GPSM2: variants seen among roughly 807,000 people sequenced by gnomAD.
GPSM2 encodes G protein-signaling modulator 2.
Under a neutral mutation model 78.4 loss-of-function variants are expected in GPSM2, and 58 were observed. The observed-to-expected ratio is 0.74, with a 90% CI of 0.60 to 0.92. GPSM2 has a LOEUF of 0.92. GPSM2 is among the 40% of genes least tolerant of loss of function. GPSM2 has a pLI of 0.00. For synonymous variants in GPSM2, 224 were observed against 280.2 expected (o/e 0.80, Z 2.00); for missense variants, 700 against 815.5 (o/e 0.86, Z 1.73).
intron 1 of GPSM2, among the ~76,000 whole-genome samples, chr1:108,883,905 G>A (rs1178626657): frequency 6.6e-6 from 1 of 151,974 alleles, no homozygotes; most frequent in African/African-American, 2.4e-5. Context: ...GTTTGTTGTT[G>A]TTGTTGTTGT....
rs1650132707 is a variant in GPSM2 at position 108,915,487 on chromosome 1, C to T, written c.1263+1079C>T. On this transcript the variant is annotated intron_variant, in intron 11 of 14. Coordinates refer to ENST00000264126, the MANE Select transcript of GPSM2 (RefSeq NM_013296.5). ...CTTTGGCCAGGCTGGAGTGCAGTGG[C>T]GCGATCTCAGCTCACTGCACCCTCC... 2.7e-5 allele frequency among the ~76,000 whole-genome samples: 4 copies of T among 149,258 alleles called. No homozygotes were observed. In the South Asian group the frequency reaches 6.4e-4, roughly 24 times the overall value.
At chr1:108,901,536 A>G (rs570030442) in intron 7 of GPSM2, among the ~76,000 whole-genome samples, 1 of 152,334 alleles carries the variant, frequency 6.6e-6, no homozygotes, top group South Asian at 2.1e-4. Context: ...TTATGTTTCA[A>G]TACTCCTTTA....
At chr1:108,886,663 T>C (rs552960798) in intron 2 of GPSM2, among the ~76,000 whole-genome samples, 16 of 152,338 alleles carry the variant, frequency 1.1e-4, no homozygotes, top group African/African-American at 3.8e-4. Flanking sequence ...CTACACCTTA[T>C]ATATAATAGG....
chr1:108,894,039 A>G (rs528782365), intron 2 of GPSM2, among the ~76,000 whole-genome samples: 174 of 152,202 alleles, frequency 1.1e-3, no homozygotes, highest in African/African-American at 3.7e-3. Context: ...GTGAGACTCC[A>G]TCTCAAGAAA....
At chr1:108,924,456 T>TAG in intron 14 of GPSM2, 3 of 548,808 alleles carry the variant, frequency 5.5e-6, no homozygotes, top group African/African-American at 3.8e-5. Flanking sequence ...TGTATATATA[T>TAG]AGAGAGAGAG....
rs1418963515 is a variant in GPSM2, at chr1:108,931,786, TA to T, written c.*1851del. 1 of 208,112 alleles carries T rather than the reference TA, an allele frequency of 4.8e-6. No homozygotes were observed. The highest frequency in any genetic ancestry group is 9.5e-6 in the Non-Finnish European group (1 of 105,040). The allele number at this position is 208,112 out of a possible 1,614,324, so 12.9% of individuals were successfully genotyped here. ...TAAGACAATATACCAAACCACAACG[TA>T]AAAAGTTTGTGTATACAAACTTTTT... On this transcript the variant is annotated 3_prime_UTR_variant, in exon 15 of 15. Coordinates refer to ENST00000264126, the MANE Select transcript of GPSM2 (RefSeq NM_013296.5).
chr1:108,882,377 T>C (rs574662102), intron 1 of GPSM2, among the ~76,000 whole-genome samples: 42 of 152,250 alleles, frequency 2.8e-4, no homozygotes, highest in Non-Finnish European at 5.4e-4. Flanking sequence ...ATATAACCTA[T>C]ACGCATCTTC....
chr1:108,887,330 G>A (rs1157839053), intron 2 of GPSM2, among the ~76,000 whole-genome samples: 4 of 152,132 alleles, frequency 2.6e-5, no homozygotes, highest in African/African-American at 9.7e-5. Flanking sequence ...AAACCACACA[G>A]GCAGGTGGGG....
chr1:108,931,575 G>T lies in GPSM2; in HGVS notation c.*1635G>T. The T allele has an allele frequency of 7.0e-7, 1 of 1,435,108 alleles. No homozygotes were observed. The highest frequency in any genetic ancestry group is 1.5e-5 in the South Asian group (1 of 67,938). The allele number at this position is 1,435,108 out of a possible 1,614,324, so 88.9% of individuals were successfully genotyped here. On this transcript the variant is annotated 3_prime_UTR_variant, in exon 15 of 15. Transcript: ENST00000264126. ...GGCAAATAGAACTATTTCTCTAATG[G>T]CCAATGTTTTTTAAGAGTCATAACC...
intron 2 of GPSM2, among the ~76,000 whole-genome samples, chr1:108,895,101 C>T (rs1056060661): frequency 1.3e-5 from 2 of 152,184 alleles, no homozygotes; most frequent in African/African-American, 4.8e-5. Context: ...TCAACCCTAA[C>T]TTGTACTTTA....
chr1:108,886,806 G>A (rs145045548), intron 2 of GPSM2, among the ~76,000 whole-genome samples: 13 of 152,200 alleles, frequency 8.5e-5, no homozygotes, highest in Middle Eastern at 3.4e-3. Flanking sequence ...TGAAGGTACA[G>A]AATGGGCAGG....
At chr1:108,897,460 G>GT in intron 3 of GPSM2, 32 bp from the exon 4 acceptor site, 1 of 1,565,530 alleles carries the variant, frequency 6.4e-7, no homozygotes, top group Non-Finnish European at 8.7e-7. Flanking sequence ...ATACCATTTG[G>GT]TTTTTTGTTT....
intron 11 of GPSM2, among the ~76,000 whole-genome samples, chr1:108,917,305 C>G (rs575981325): frequency 6.6e-6 from 1 of 151,918 alleles, no homozygotes; most frequent in Admixed American, 6.6e-5. Flanking sequence ...CAGTGGCTCA[C>G]GCCTGTAATC....
chr1:108,903,302 C>G, intron 9 of GPSM2, 68 bp downstream of exon 9: 1 of 829,456 alleles, frequency 1.2e-6, no homozygotes, highest in Non-Finnish European at 2.1e-6. Flanking sequence ...GGGAGGGAAC[C>G]CTATTTCTCT....
Position 108,929,842 on chromosome 1 carries a change from G to A in GPSM2, c.1957G>A (p.Asp653Asn). 1 of 1,614,012 alleles carries A rather than the reference G, an allele frequency of 6.2e-7. No homozygotes were observed. Among genetic ancestry groups the A allele is most frequent in the South Asian group, 1.1e-5 (1 of 91,084 alleles). The change falls in exon 15 of 15, where the codon GAT (aspartate) becomes AAT (asparagine). Residue 653 changes from aspartate (D) to asparagine (N), a missense_variant. Coordinates refer to ENST00000264126, the MANE Select transcript of GPSM2 (RefSeq NM_013296.5). ...MDEQRVLLQR[D>N]QNRDTDFGLK... ...TGAACAGAGAGTTCTTTTACAAAGA[G>A]ATCAAAACAGAGACACTGACTTTGG...
Position 108,934,002 on chromosome 1 carries a change from T to A in GPSM2, c.*4062T>A, listed in dbSNP as rs1361711185. The stretch of plus-strand genomic sequence containing the variant: ...TGGTGGGGGAAAAGAATAAAGTCAT[T>A]TTCAGTCGACTGACTCTGTAAAACA... On this transcript the variant is annotated 3_prime_UTR_variant, in exon 15 of 15. Coordinates refer to ENST00000264126, the MANE Select transcript of GPSM2 (RefSeq NM_013296.5). 6.6e-6 allele frequency: 1 copy of A among 152,238 alleles called. No individual in the cohort carries two copies. The highest frequency in any genetic ancestry group is 1.5e-5 in the Non-Finnish European group (1 of 68,058). 9.4% of individuals were successfully genotyped at this position (152,238 alleles called of 1,614,324 possible). A position where few individuals can be genotyped will look rare whatever the true frequency, so the allele number is the denominator to read the frequency against.
Position 108,931,785 on chromosome 1 carries a change from G to A in GPSM2, c.*1845G>A, listed in dbSNP as rs1158905849. 1.9e-5 allele frequency: 4 copies of A among 207,930 alleles called. No individual in the cohort carries two copies. The highest frequency in any genetic ancestry group is 1.5e-4 in the South Asian group (1 of 6,776). 12.9% of individuals were successfully genotyped at this position (207,930 alleles called of 1,614,324 possible). A position where few individuals can be genotyped will look rare whatever the true frequency, so the allele number is the denominator to read the frequency against. The stretch of plus-strand genomic sequence containing the variant: ...TTAAGACAATATACCAAACCACAAC[G>A]TAAAAAGTTTGTGTATACAAACTTT... On this transcript the variant is annotated 3_prime_UTR_variant, in exon 15 of 15. Transcript: ENST00000264126.
chr1:108,904,613 G>C (rs891692860), intron 10 of GPSM2, among the ~76,000 whole-genome samples: 1 of 151,664 alleles, frequency 6.6e-6, no homozygotes, highest in Admixed American at 6.6e-5. Flanking sequence ...ATTTTAAAAT[G>C]TTATTGTTTA....
chr1:108,922,565 TG>T lies in GPSM2; in HGVS notation c.1590del (p.Met530IlefsTer3). 1 of 1,612,476 alleles carries T rather than the reference TG, an allele frequency of 6.2e-7. No individual in the cohort carries two copies. Among genetic ancestry groups the T allele is most frequent in the Non-Finnish European group, 8.5e-7 (1 of 1,178,592 alleles). ...STTTSSTPPK[M>X]MLKTSSVPVV... ...ACAACTTCTTCCACTCCCCCTAAAA[TG>T]ATGCTAAAAAGTAAGTCATCTCTGT... On this transcript the variant is annotated frameshift_variant, in exon 13 of 15. Transcript: ENST00000264126. LOFTEE classifies it high-confidence loss of function.
Sources: gnomAD v4.1 joint callset for allele counts (sites outside exome capture counted in the v4.1 genomes callset) on GRCh38, gnomAD v4.1.1 for gene constraint, MANE v1.5 for transcripts, NCBI Gene and HGNC (gene_info 2026-07-23, HGNC 2026-07-21) for gene names.